Variants in TMEM236 observed in about 807,000 individuals in gnomAD.
TMEM236 encodes the protein transmembrane protein 236, also known as family with sequence similarity 23, member A.
TMEM236 carries 11 observed loss-of-function variants against 14.7 expected under a neutral mutation model. That is an observed-to-expected ratio of 0.75 (90% CI 0.47 to 1.24). TMEM236 has a LOEUF of 1.24. TMEM236 is among the 50% of genes most tolerant of loss of function. The probability of loss-of-function intolerance (pLI) is 0.00; values close to 1 mark genes in which losing one functional copy is unlikely to be tolerated. For missense variants in TMEM236, 464 were observed against 427.3 expected (o/e 1.09, Z -0.76); for synonymous variants, 182 against 168.6 (o/e 1.08, Z -0.62).
At chr10:17,772,398 A>G (rs1207970039) in intron 2 of TMEM236, among the ~76,000 whole-genome samples, 6 of 152,334 alleles carry the variant, frequency 3.9e-5, no homozygotes, top group Admixed American at 1.3e-4. Context: ...GAATATTTCA[A>G]TCTAGATCTG....
At chr10:17,760,639 T>C (rs1454917484) in intron 1 of TMEM236, among the ~76,000 whole-genome samples, 1 of 152,244 alleles carries the variant, frequency 6.6e-6, no homozygotes, top group East Asian at 1.9e-4. Context: ...TGCCCTACTA[T>C]ATCCAGTGTA....
chr10:17,798,574 A>C lies in TMEM236; in HGVS notation c.*2070A>C. The C allele has an allele frequency of 1.9e-6, 1 of 534,416 alleles. No homozygotes were observed. Among genetic ancestry groups the C allele is most frequent in the Non-Finnish European group, 3.8e-6 (1 of 259,884 alleles). 33.1% of individuals were successfully genotyped at this position (534,416 alleles called of 1,614,324 possible). On this transcript the variant is annotated 3_prime_UTR_variant, in exon 4 of 4. Coordinates refer to ENST00000377495, the MANE Select transcript of TMEM236 (RefSeq NM_001098844.3). ...AGAGAATTTGACGTTGTGTTATTCT[A>C]CGCTCCACCAAATACCTCTCCCCTT...
Position 17,796,140 on chromosome 10 carries a change from G to T in TMEM236, c.692G>T (p.Arg231Leu). 6.2e-7 allele frequency: 1 copy of T among 1,613,928 alleles called. No homozygotes were observed. Residue 231 changes from arginine (R) to leucine (L), a missense_variant, in exon 4 of 4, where the codon CGA becomes CTA. Coordinates refer to ENST00000377495, the MANE Select transcript of TMEM236 (RefSeq NM_001098844.3). Reference protein sequence around the residue: ...DSGILRMMSRRDVRAELFLWS... With the variant: ...DSGILRMMSRLDVRAELFLWS... ...GGAATCCTGAGAATGATGTCCCGGC[G>T]AGATGTCCGGGCAGAGTTATTCTTA...
rs1589156190 is a variant in TMEM236, at chr10:17,798,461, C to A, written c.*1957C>A. 8.6e-6 allele frequency: 4 copies of A among 464,986 alleles called. No individual in the cohort carries two copies. The highest frequency in any genetic ancestry group is 7.0e-5 in the Admixed American group (3 of 43,120). 28.8% of individuals were successfully genotyped at this position (464,986 alleles called of 1,614,324 possible). A position where few individuals can be genotyped will look rare whatever the true frequency, so the allele number is the denominator to read the frequency against. On this transcript the variant is annotated 3_prime_UTR_variant, in exon 4 of 4. Transcript: ENST00000377495. Reference sequence around the variant, plus strand: ...GGCTGGGGCAGGAAGATTGCTTGAGCCCAGGAGGTCAAGGCTACAGTGAGC... The same window carrying A: ...GGCTGGGGCAGGAAGATTGCTTGAGACCAGGAGGTCAAGGCTACAGTGAGC...
chr10:17,795,861 A>G lies in TMEM236; in HGVS notation c.473-60A>G, dbSNP rs1838003131. ...AAATGGAATTTTAAATTTGAATAAC[A>G]TTTGAGCTAAAATGGATACATTTTA... On this transcript the variant is annotated intron_variant, in intron 3 of 3. Coordinates refer to ENST00000377495, the MANE Select transcript of TMEM236 (RefSeq NM_001098844.3). 2.0e-6 allele frequency: 3 copies of G among 1,522,422 alleles called. No homozygotes were observed. In the African/African-American group the frequency reaches 4.1e-5, roughly 21 times the overall value. 94.3% of individuals were successfully genotyped at this position (1,522,422 alleles called of 1,614,324 possible).
At chr10:17,795,372 G>A (rs1431289699) in intron 3 of TMEM236, among the ~76,000 whole-genome samples, 4 of 152,136 alleles carry the variant, frequency 2.6e-5, no homozygotes, top group South Asian at 4.1e-4. Flanking sequence ...TCTCAAGCCC[G>A]TTTCCATAGT....
chr10:17,791,023 T>C (rs1837915950), intron 3 of TMEM236, among the ~76,000 whole-genome samples: 1 of 152,202 alleles, frequency 6.6e-6, no homozygotes, highest in Admixed American at 6.5e-5. Flanking sequence ...CTATAATCTG[T>C]CTCTGCCACA....
chr10:17,792,407 A>G (rs1328185259), intron 3 of TMEM236, among the ~76,000 whole-genome samples: 1 of 152,208 alleles, frequency 6.6e-6, no homozygotes, highest in African/African-American at 2.4e-5. Context: ...TTTAGATAAC[A>G]TATTGTTTTC....
Position 17,798,191 on chromosome 10 carries a change from C to G in TMEM236, c.*1687C>G, listed in dbSNP as rs1403283743. The G allele has an allele frequency of 3.4e-5, 7 of 203,744 alleles. No homozygotes were observed. The highest frequency in any genetic ancestry group is 1.4e-4 in the African/African-American group (6 of 42,278). 12.6% of individuals were successfully genotyped at this position (203,744 alleles called of 1,614,324 possible). A position where few individuals can be genotyped will look rare whatever the true frequency, so the allele number is the denominator to read the frequency against. ...TTATGTAGCCAGTTTCTTCAATGAT[C>G]TGTGATAACAAATCATTAAGAATGA... On this transcript the variant is annotated 3_prime_UTR_variant, in exon 4 of 4. Transcript: ENST00000377495.
chr10:17,764,867 C>G (rs1252810863), intron 1 of TMEM236, among the ~76,000 whole-genome samples: 1 of 99,008 alleles, frequency 1.0e-5, no homozygotes, highest in Non-Finnish European at 2.1e-5. Flanking sequence ...GGGTCTCATT[C>G]TGTCTCCCAG....
Position 17,776,162 on chromosome 10 carries a change from G to A in TMEM236, c.464G>A (p.Ser155Asn). 1 of 1,612,018 alleles carries A rather than the reference G, an allele frequency of 6.2e-7. No homozygotes were observed. Among genetic ancestry groups the A allele is most frequent in the East Asian group, 2.2e-5 (1 of 44,832 alleles). The change falls in exon 3 of 4, where the codon AGT (serine) becomes AAT (asparagine). Residue 155 changes from serine (S) to asparagine (N), a missense_variant. Ser to Asn is a conservative substitution (Grantham distance 46, BLOSUM62 1). Transcript: ENST00000377495. ...EKLRIYPLRGSQKSSENGHIH... is the reference protein window; with the variant it reads ...EKLRIYPLRGNQKSSENGHIH... ...CTCAGGATATATCCTCTTAGAGGGA[G>A]TCAAAAGAGTAAGTGTTCTTTTAAA...
At chr10:17,789,745 G>A (rs35159285) in intron 3 of TMEM236, among the ~76,000 whole-genome samples, 9,170 of 151,994 alleles carry the variant, frequency 0.06, 473 homozygotes, top group East Asian at 0.21. Context: ...AGCCAGGGCC[G>A]GGCACGGTGG....
At position 17,752,292 on chromosome 10, in the gene TMEM236, C is replaced by G; in HGVS notation, c.-4C>G. ...AGGTTCTTGGCAGCTTGCTTTTCCT[C>G]AGGATGGCTTCTGGAAGGCTCATTA... On this transcript the variant is annotated 5_prime_UTR_variant, in exon 1 of 4. Transcript: ENST00000377495. The G allele has an allele frequency of 6.2e-7, 1 of 1,613,950 alleles. No individual in the cohort carries two copies. Among genetic ancestry groups the G allele is most frequent in the Non-Finnish European group, 8.5e-7 (1 of 1,179,854 alleles).
intron 3 of TMEM236, among the ~76,000 whole-genome samples, chr10:17,781,682 A>G (rs1330360622): frequency 6.9e-6 from 1 of 145,298 alleles, no homozygotes; most frequent in South Asian, 2.3e-4. Context: ...GGAGGCGGAG[A>G]TTGCAGTGAG....
chr10:17,757,379 C>A (rs1837298708), intron 1 of TMEM236, among the ~76,000 whole-genome samples: 1 of 152,096 alleles, frequency 6.6e-6, no homozygotes, highest in African/African-American at 2.4e-5. Flanking sequence ...GTGAGGATCG[C>A]TTGAGCACAG....
intron 1 of TMEM236, among the ~76,000 whole-genome samples, chr10:17,759,856 C>T (rs1837330528): frequency 6.6e-6 from 1 of 151,818 alleles, no homozygotes. Flanking sequence ...TGGTGGACGC[C>T]TGTATAGTCC....
At chr10:17,756,318 A>G (rs1837283710) in intron 1 of TMEM236, among the ~76,000 whole-genome samples, 1 of 150,906 alleles carries the variant, frequency 6.6e-6, no homozygotes. Flanking sequence ...TCTTTTTGAG[A>G]TGGAGTCTAG....
At chr10:17,777,923 G>C (rs1314519858) in intron 3 of TMEM236, among the ~76,000 whole-genome samples, 1 of 152,140 alleles carries the variant, frequency 6.6e-6, no homozygotes, top group Non-Finnish European at 1.5e-5. Flanking sequence ...ATTTTTAGTA[G>C]AGACAGGGTT....
rs920883975 is a variant in TMEM236, at chr10:17,794,976, C to T, written c.473-945C>T. 2.6e-3 allele frequency among the ~76,000 whole-genome samples: 390 copies of T among 152,070 alleles called. 2 individuals carry two copies. The highest frequency in any genetic ancestry group is 9.0e-3 in the African/African-American group (372 of 41,494). ...CCAGGAGGTGGAGGTTGCAGTGAGC[C>T]GAGATCATGCTGCTACACTCCAGCT... is the stretch of plus-strand genomic sequence containing the variant. On this transcript the variant is annotated intron_variant, in intron 3 of 3. Transcript: ENST00000377495.
Sources: allele counts gnomAD v4.1 joint callset (sites outside exome capture counted in the v4.1 genomes callset), GRCh38; gene constraint gnomAD v4.1.1; transcripts MANE v1.5; gene names NCBI Gene and HGNC (gene_info 2026-07-23, HGNC 2026-07-21).